Variants in NAA16 observed in about 807,000 individuals in gnomAD.
The protein encoded by NAA16 is NARG1-like protein.
Under a neutral mutation model 110.3 loss-of-function variants are expected in NAA16, and 97 were observed. The observed-to-expected ratio is 0.88, with a 90% CI of 0.75 to 1.04. The LOEUF is 1.04. NAA16 is among the 50% of genes least tolerant of loss of function. NAA16 has a pLI of 0.00. For synonymous variants in NAA16, 372 were observed against 330.6 expected (o/e 1.13, Z -1.36); for missense variants, 1,017 against 1,005.1 (o/e 1.01, Z -0.16).
chr13:41,339,217 C>T (rs972248213), intron 9 of NAA16, among the ~76,000 whole-genome samples: 46 of 152,060 alleles, frequency 3.0e-4, no homozygotes, highest in African/African-American at 1.1e-3. Context: ...CTCGCCTCAC[C>T]GAAACCTCTG....
intron 12 of NAA16, among the ~76,000 whole-genome samples, chr13:41,360,751 A>G (rs2139499976): frequency 6.6e-6 from 1 of 152,334 alleles, no homozygotes; most frequent in Admixed American, 6.5e-5. Flanking sequence ...TTACTAATAA[A>G]TGAGTGAAGG....
chr13:41,337,559 A>AT (rs1369009401), intron 9 of NAA16, among the ~76,000 whole-genome samples: 4 of 151,294 alleles, frequency 2.6e-5, no homozygotes, highest in African/African-American at 4.9e-5. Flanking sequence ...AAAAAAAAAA[A>AT]TTTCGAAAAT....
intron 3 of NAA16, 130 bp from the exon 4 acceptor site, chr13:41,320,537 C>T: frequency 2.4e-6 from 2 of 831,704 alleles, no homozygotes; most frequent in Non-Finnish European, 1.7e-6. Context: ...CCATTCCCCT[C>T]CCCCAGACTC....
intron 9 of NAA16, among the ~76,000 whole-genome samples, 169 bp from the exon 10 acceptor site, chr13:41,354,975 C>T (rs186089444): frequency 7.4e-4 from 99 of 134,040 alleles, no homozygotes; most frequent in Middle Eastern, 5.5e-3. Flanking sequence ...TTCTCCAAAG[C>T]GGGGAAATAC....
At chr13:41,327,742 A>ATTTTTTTTTTTTTTT in intron 6 of NAA16, 1 of 151,388 alleles carries the variant, frequency 6.6e-6, no homozygotes, top group African/African-American at 2.5e-5. Context: ...GCATGTTTAA[A>ATTTTTTTTTTTTTTT]GTTTTAAGTA....
intron 3 of NAA16, among the ~76,000 whole-genome samples, chr13:41,319,584 T>C (rs557795799): frequency 7.9e-5 from 12 of 152,244 alleles, no homozygotes; most frequent in African/African-American, 2.6e-4. Flanking sequence ...TGGCATGATC[T>C]AGGCTTACTG....
At chr13:41,314,680 G>A (rs1179292848) in intron 1 of NAA16, among the ~76,000 whole-genome samples, 3 of 152,132 alleles carry the variant, frequency 2.0e-5, no homozygotes, top group African/African-American at 7.2e-5. Flanking sequence ...GTTTAGCCAT[G>A]GCAATGCAGC....
chr13:41,316,449 G>A (rs901231231), intron 1 of NAA16, among the ~76,000 whole-genome samples: 1 of 151,916 alleles, frequency 6.6e-6, no homozygotes, highest in African/African-American at 2.4e-5. Flanking sequence ...TGGGATTACA[G>A]GCACGCACCA....
intron 9 of NAA16, among the ~76,000 whole-genome samples, chr13:41,337,100 T>A (rs1486752861): frequency 1.3e-5 from 2 of 152,216 alleles, no homozygotes; most frequent in Non-Finnish European, 2.9e-5. Context: ...GCTTTTAAAG[T>A]TAGAGCTTGG....
chr13:41,366,188 T>G (rs967094372), intron 13 of NAA16, among the ~76,000 whole-genome samples: 1 of 152,178 alleles, frequency 6.6e-6, no homozygotes, highest in South Asian at 2.1e-4. Context: ...CATAAACTAA[T>G]GTGAAATGTT....
intron 1 of NAA16, among the ~76,000 whole-genome samples, chr13:41,312,241 T>C (rs981256469): frequency 1.3e-5 from 2 of 152,242 alleles, no homozygotes; most frequent in African/African-American, 4.8e-5. Flanking sequence ...AAACAGCTGT[T>C]TGCTTTTTAG....
At chr13:41,370,277 C>CAG (rs1171422532) in intron 15 of NAA16, among the ~76,000 whole-genome samples, 1 of 152,076 alleles carries the variant, frequency 6.6e-6, no homozygotes, top group Admixed American at 6.6e-5. Context: ...AGAGAAGTTC[C>CAG]AGATGCCATT....
intron 6 of NAA16, chr13:41,327,717 T>C (rs1171003240): frequency 6.6e-6 from 1 of 151,566 alleles, no homozygotes; most frequent in East Asian, 1.9e-4. Context: ...CAGAAGATAA[T>C]CATGGAGGAA....
intron 18 of NAA16, among the ~76,000 whole-genome samples, chr13:41,374,302 TCTC>T (rs1448713504): frequency 3.3e-5 from 5 of 152,336 alleles, no homozygotes; most frequent in Admixed American, 1.3e-4. Flanking sequence ...CCGCCCCTAC[TCTC>T]CTCCTCTGTG....
chr13:41,325,267 A>G (rs28501271), intron 5 of NAA16, among the ~76,000 whole-genome samples: 5,741 of 104,920 alleles, frequency 0.055, 333 homozygotes, highest in African/African-American at 0.19. Flanking sequence ...CGGAACTTAC[A>G]TGCACTGGGA....
intron 9 of NAA16, among the ~76,000 whole-genome samples, chr13:41,337,941 A>G (rs1023000097): frequency 6.6e-6 from 1 of 152,156 alleles, no homozygotes; most frequent in Non-Finnish European, 1.5e-5. Flanking sequence ...GTTAGAAAAA[A>G]ACATCATTTA....
At chr13:41,319,876 T>G (rs1171266600) in intron 3 of NAA16, among the ~76,000 whole-genome samples, 2 of 151,510 alleles carry the variant, frequency 1.3e-5, no homozygotes, top group Non-Finnish European at 3.0e-5. Context: ...TTTTTTTTTT[T>G]GCTTATCTGT....
intron 9 of NAA16, among the ~76,000 whole-genome samples, chr13:41,349,143 T>G (rs1321374968): frequency 2.0e-5 from 3 of 152,160 alleles, no homozygotes; most frequent in African/African-American, 7.2e-5. Flanking sequence ...TTGCTTGTTT[T>G]AGGTTTAATT....
chr13:41,341,864 C>T (rs1212568378), intron 9 of NAA16, among the ~76,000 whole-genome samples: 5 of 147,324 alleles, frequency 3.4e-5, no homozygotes, highest in East Asian at 4.0e-4. Context: ...CGGAGTCTCA[C>T]TCTGTCGCCC....
Sources: allele counts gnomAD v4.1 joint callset (sites outside exome capture counted in the v4.1 genomes callset), GRCh38; gene constraint gnomAD v4.1.1; transcripts MANE v1.5; gene names NCBI Gene and HGNC (gene_info 2026-07-23, HGNC 2026-07-21).